The following ESR1 variants were observed in gnomAD, a reference collection of about 807,000 sequenced individuals.
ESR1 encodes the protein estrogen receptor 1, also known as estrogen receptor.
ESR1 carries 12 observed loss-of-function variants against 52.7 expected under a neutral mutation model. The ratio of observed to expected loss-of-function variants is 0.23; its 90% CI spans 0.15 to 0.37. ESR1 has a LOEUF of 0.37. Among genes scored for constraint, ESR1 ranks in the 10% least tolerant of loss-of-function variants. The probability of loss-of-function intolerance (pLI) is 1.00; values close to 1 mark genes in which losing one functional copy is unlikely to be tolerated. For missense variants in ESR1, 584 were observed against 779.7 expected (o/e 0.75, Z 2.99); for synonymous variants, 305 against 316.8 (o/e 0.96, Z 0.39).
intron 4 of ESR1, among the ~76,000 whole-genome samples, chr6:151,962,144 G>A (rs1884051): frequency 0.6 from 91,181 of 151,868 alleles, 28,133 homozygotes; most frequent in Middle Eastern, 0.73. Flanking sequence ...AGCTTCTGCC[G>A]TCTTCTAGGC....
intron 1 of ESR1, among the ~76,000 whole-genome samples, chr6:151,827,876 C>T (rs1562449296): frequency 6.6e-6 from 1 of 152,210 alleles, no homozygotes. Flanking sequence ...TAAAGATTAA[C>T]ATCAAGCATC....
chr6:152,077,125 C>T (rs998307881), intron 6 of ESR1, among the ~76,000 whole-genome samples: 3 of 152,126 alleles, frequency 2.0e-5, no homozygotes, highest in Admixed American at 1.3e-4. Context: ...GTGGGCCAGT[C>T]CCAGGGTCCC....
At chr6:151,731,782 G>A (rs1242751392) in intron 2 of ESR1, among the ~76,000 whole-genome samples, 2 of 152,258 alleles carry the variant, frequency 1.3e-5, no homozygotes, top group South Asian at 2.1e-4. Context: ...AGAATAAGGT[G>A]TTTACATTAC....
In ESR1 at chr6:152,100,619, T is replaced by C. The variant is rs538061488; in HGVS notation, c.*1653T>C. ...CTCTGGGTGACCTTATTGTCTGTAA[T>C]TGAAACCCTATTGAGAGGTGATGTC... On this transcript the variant is annotated 3_prime_UTR_variant, in exon 8 of 8. Coordinates refer to ENST00000206249, the MANE Select transcript of ESR1 (RefSeq NM_000125.4). The C allele has an allele frequency of 4.3e-6, 1 of 231,992 alleles. No individual in the cohort carries two copies. The highest frequency in any genetic ancestry group is 1.8e-4 in the South Asian group (1 of 5,502). The allele number at this position is 231,992 out of a possible 1,614,324, so 14.4% of individuals were successfully genotyped here.
At chr6:152,022,969 C>T (rs1192221540) in intron 5 of ESR1, among the ~76,000 whole-genome samples, 1 of 145,164 alleles carries the variant, frequency 6.9e-6, no homozygotes, top group East Asian at 2.0e-4. Context: ...AAGAGTGAAA[C>T]TCTGTCTCAA....
chr6:151,687,839 G>T (rs930196969), upstream of ESR1, among the ~76,000 whole-genome samples: 1 of 152,158 alleles, frequency 6.6e-6, no homozygotes, highest in African/African-American at 2.4e-5. Context: ...AGATGTAGTG[G>T]ATAGCACGAT....
intron 1 of ESR1, among the ~76,000 whole-genome samples, chr6:151,679,593 G>A (rs1300948080): frequency 6.6e-6 from 1 of 152,050 alleles, no homozygotes; most frequent in Non-Finnish European, 1.5e-5. Context: ...GACCTCAGGC[G>A]ATCTGCCTGC....
intron 6 of ESR1, among the ~76,000 whole-genome samples, chr6:152,090,516 C>T (rs1384745497): frequency 6.6e-6 from 1 of 152,238 alleles, no homozygotes; most frequent in East Asian, 1.9e-4. Context: ...TGTCCCCCAT[C>T]TCCATGGAGG....
At chr6:151,960,255 C>G (rs1393148413) in intron 4 of ESR1, among the ~76,000 whole-genome samples, 1 of 152,190 alleles carries the variant, frequency 6.6e-6, no homozygotes, top group Admixed American at 6.5e-5. Flanking sequence ...AGCCCTGCCT[C>G]CCCGGTGCTT....
chr6:151,677,072 A>G (rs1778277450), intron 1 of ESR1, among the ~76,000 whole-genome samples: 1 of 152,192 alleles, frequency 6.6e-6, no homozygotes, highest in African/African-American at 2.4e-5. Flanking sequence ...GCTGATCTCA[A>G]ACTCCTGAAC....
chr6:151,822,681 A>G (rs1460593447), intron 1 of ESR1, among the ~76,000 whole-genome samples: 1 of 152,232 alleles, frequency 6.6e-6, no homozygotes, highest in Non-Finnish European at 1.5e-5. Context: ...TGCACGCCTC[A>G]TGACGCTGTG....
intron 3 of ESR1, among the ~76,000 whole-genome samples, chr6:151,941,341 A>G (rs1305094060): frequency 6.6e-6 from 1 of 152,146 alleles, no homozygotes; most frequent in East Asian, 1.9e-4. Context: ...AGGTGTATAA[A>G]TCGTATTTGG....
intron 2 of ESR1, among the ~76,000 whole-genome samples, chr6:151,875,521 T>C (rs1488695515): frequency 6.6e-6 from 1 of 152,200 alleles, no homozygotes; most frequent in African/African-American, 2.4e-5. Flanking sequence ...GAGACAGATA[T>C]GGCCCATCCC....
intron 4 of ESR1, among the ~76,000 whole-genome samples, chr6:151,996,875 T>A (rs1383581682): frequency 6.6e-6 from 1 of 152,134 alleles, no homozygotes; most frequent in Admixed American, 6.5e-5. Context: ...GTACAGGGAA[T>A]CTCATTTTTT....
At chr6:151,953,864 T>C (rs1262147417) in intron 4 of ESR1, among the ~76,000 whole-genome samples, 1 of 152,220 alleles carries the variant, frequency 6.6e-6, no homozygotes, top group East Asian at 1.9e-4. Flanking sequence ...ATTTGTTTCA[T>C]ACCACTTTTA....
chr6:151,870,262 T>A (rs35420101), intron 2 of ESR1, among the ~76,000 whole-genome samples: 2,666 of 152,284 alleles, frequency 0.018, 78 homozygotes, highest in African/African-American at 0.061. Flanking sequence ...TATGCCATAA[T>A]CTACTGATGA....
At chr6:151,829,471 A>G (rs772442774) in intron 1 of ESR1, among the ~76,000 whole-genome samples, 2 of 152,162 alleles carry the variant, frequency 1.3e-5, no homozygotes, top group East Asian at 3.8e-4. Context: ...CGCAATGGCT[A>G]TCACTGACAG....
intron 6 of ESR1, among the ~76,000 whole-genome samples, chr6:152,080,419 G>C (rs922668506): frequency 6.6e-6 from 1 of 152,104 alleles, no homozygotes; most frequent in Non-Finnish European, 1.5e-5. Context: ...CATAAGTGAA[G>C]GAGAAATAAA....
chr6:151,930,433 T>C (rs2347868), intron 3 of ESR1, among the ~76,000 whole-genome samples: 122,503 of 152,178 alleles, frequency 0.8, 50,232 homozygotes, highest in African/African-American at 0.95. Flanking sequence ...CAATTCCTCC[T>C]TACTGTCCCT....
Sources: gnomAD v4.1 joint callset for allele counts (sites outside exome capture counted in the v4.1 genomes callset) on GRCh38, gnomAD v4.1.1 for gene constraint, MANE v1.5 for transcripts, NCBI Gene and HGNC (gene_info 2026-07-23, HGNC 2026-07-21) for gene names.